The following PPP1R12B variants were observed in gnomAD, a reference collection of about 807,000 sequenced individuals.
PPP1R12B encodes protein phosphatase 1 regulatory subunit 12B, also known as myosin phosphatase target subunit 2.
In PPP1R12B, 76 loss-of-function variants were observed where a neutral mutation model predicts 126.1. The ratio of observed to expected loss-of-function variants is 0.60; its 90% CI spans 0.50 to 0.73. PPP1R12B has a LOEUF of 0.73. Among genes scored for constraint, PPP1R12B ranks in the 30% least tolerant of loss-of-function variants. The pLI, the probability that PPP1R12B is intolerant of heterozygous loss-of-function variation, is 0.00. For synonymous variants in PPP1R12B, 356 were observed against 434.7 expected (o/e 0.82, Z 2.25); for missense variants, 1,052 against 1,205.1 (o/e 0.87, Z 1.88).
At chr1:202,507,539 T>G (rs985449668) in intron 18 of PPP1R12B, among the ~76,000 whole-genome samples, 9 of 152,194 alleles carry the variant, frequency 5.9e-5, no homozygotes, top group African/African-American at 2.2e-4. Flanking sequence ...CAGAAGAAAT[T>G]ATTAACATTC....
At chr1:202,359,681 G>T (rs886758740) in intron 1 of PPP1R12B, among the ~76,000 whole-genome samples, 1 of 139,326 alleles carries the variant, frequency 7.2e-6, no homozygotes, top group African/African-American at 2.6e-5. Context: ...CTGGCGGTGG[G>T]GGGTGGGGGT....
chr1:202,382,566 T>A (rs1662499876), intron 1 of PPP1R12B, among the ~76,000 whole-genome samples: 1 of 151,498 alleles, frequency 6.6e-6, no homozygotes, highest in Non-Finnish European at 1.5e-5. Context: ...GAAATGAATT[T>A]CTTTGAGAGC....
chr1:202,580,050 T>C (rs1238919777), intron 23 of PPP1R12B, among the ~76,000 whole-genome samples: 1 of 152,168 alleles, frequency 6.6e-6, no homozygotes, highest in Non-Finnish European at 1.5e-5. Flanking sequence ...TTAACTCTTC[T>C]AGTTGACCAC....
intron 9 of PPP1R12B, among the ~76,000 whole-genome samples, chr1:202,436,482 TTTTA>T (rs975473175): frequency 2.0e-5 from 3 of 152,130 alleles, no homozygotes; most frequent in African/African-American, 7.2e-5. Flanking sequence ...GATTTAATAT[TTTTA>T]TTTATTTTCG....
At chr1:202,571,424 G>A (rs1688585881) in intron 23 of PPP1R12B, among the ~76,000 whole-genome samples, 1 of 150,372 alleles carries the variant, frequency 6.7e-6, no homozygotes, top group African/African-American at 2.4e-5. Context: ...CAATAGGTAA[G>A]CTGTTGTGAG....
At chr1:202,350,607 GTTTTTC>G (rs1234444760) in intron 1 of PPP1R12B, among the ~76,000 whole-genome samples, 7 of 151,006 alleles carry the variant, frequency 4.6e-5, no homozygotes, top group African/African-American at 7.3e-5. Flanking sequence ...GTGAATTCTT[GTTTTTC>G]TTTTTCTTTT....
chr1:202,470,016 G>C (rs1232188689), intron 13 of PPP1R12B, among the ~76,000 whole-genome samples: 2 of 152,184 alleles, frequency 1.3e-5, no homozygotes, highest in African/African-American at 2.4e-5. Context: ...GAGCTTTTCT[G>C]CTTCCCCAGA....
chr1:202,560,828 A>T, intron 19 of PPP1R12B, among the ~76,000 whole-genome samples: 1 of 152,188 alleles, frequency 6.6e-6, no homozygotes, highest in East Asian at 1.9e-4. Context: ...TATAAAATTT[A>T]AAATCTCTAA....
chr1:202,425,585 A>C lies in PPP1R12B; in HGVS notation c.561A>C (p.Ser187=), dbSNP rs147755572. The change falls in exon 4 of 24, where the codon TCA becomes TCC. Residue 187 remains serine, a synonymous_variant. Coordinates refer to ENST00000608999, the MANE Select transcript of PPP1R12B (RefSeq NM_002481.4). ...CTGTAGGAGTTGATCTAGAGCAGTCAAGAAAAGAAGAAGAGCAGCAGATGT... is the reference window on the plus strand; with the variant it reads ...CTGTAGGAGTTGATCTAGAGCAGTCCAGAAAAGAAGAAGAGCAGCAGATGT... ...VKKQGVDLEQ[S]RKEEEQQMLQ... 1.9e-5 allele frequency: 30 copies of C among 1,613,888 alleles called. No individual in the cohort carries two copies. In the African/African-American group the frequency reaches 3.9e-4, roughly 21 times the overall value.
At chr1:202,413,802 A>G (rs1667708111) in intron 1 of PPP1R12B, among the ~76,000 whole-genome samples, 1 of 152,144 alleles carries the variant, frequency 6.6e-6, no homozygotes, top group Non-Finnish European at 1.5e-5. Flanking sequence ...ATTTTGATGA[A>G]AGTATATAAA....
intron 18 of PPP1R12B, among the ~76,000 whole-genome samples, chr1:202,516,695 A>G (rs1354553986): frequency 1.3e-5 from 2 of 152,144 alleles, no homozygotes; most frequent in African/African-American, 4.8e-5. Flanking sequence ...CATTTGGCAC[A>G]TTGTGGTACC....
intron 18 of PPP1R12B, among the ~76,000 whole-genome samples, chr1:202,532,860 CTTTTTTTTT>C (rs375983770): frequency 2.1e-5 from 2 of 93,814 alleles, no homozygotes; most frequent in African/African-American, 9.0e-5. Context: ...ATCACATTCA[CTTTTTTTTT>C]TTTTTTTTTT....
chr1:202,443,487 C>A (rs1671875657), intron 12 of PPP1R12B, among the ~76,000 whole-genome samples: 1 of 152,186 alleles, frequency 6.6e-6, no homozygotes, highest in African/African-American at 2.4e-5. Context: ...ATTGTTGAAA[C>A]ATGGGAAATA....
rs181583736 is a variant in PPP1R12B, at chr1:202,520,479, C to T, written c.2490+23657C>T. Among the ~76,000 whole-genome samples the T allele has an allele frequency of 6.0e-4, 92 of 152,338 alleles. 2 individuals are homozygous for T. Among genetic ancestry groups the T allele is most frequent in the Admixed American group, 5.9e-3 (91 of 15,296 alleles). On this transcript the variant is annotated intron_variant, in intron 18 of 23. Transcript: ENST00000608999. The stretch of plus-strand genomic sequence containing the variant: ...ATGGGAAGCAGTGGTGGAGTTTGTA[C>T]ATAAGATTTACAGTAAAGTCTGCTG...
chr1:202,438,908 GC>G, intron 10 of PPP1R12B: 1 of 1,504,262 alleles, frequency 6.6e-7, no homozygotes, highest in Admixed American at 1.7e-5. Context: ...ACCGCACGCG[GC>G]CCTGTGCCTG....
chr1:202,462,462 G>A (rs766555245), intron 13 of PPP1R12B, among the ~76,000 whole-genome samples: 7 of 152,028 alleles, frequency 4.6e-5, no homozygotes, highest in East Asian at 3.9e-4. Context: ...CTCAGGACAC[G>A]TGCATTTAGA....
intron 18 of PPP1R12B, among the ~76,000 whole-genome samples, chr1:202,526,471 C>A (rs943781207): frequency 5.3e-5 from 8 of 152,046 alleles, no homozygotes; most frequent in Non-Finnish European, 4.4e-5. Flanking sequence ...TTTTTTCCAG[C>A]CACATTTAGT....
chr1:202,352,477 G>A (rs1656202245), intron 1 of PPP1R12B, among the ~76,000 whole-genome samples: 1 of 152,182 alleles, frequency 6.6e-6, no homozygotes, highest in African/African-American at 2.4e-5. Context: ...TCTGTGCTGA[G>A]TGTGGTGAGG....
At chr1:202,409,390 C>T (rs1210727768) in intron 1 of PPP1R12B, among the ~76,000 whole-genome samples, 4 of 150,956 alleles carry the variant, frequency 2.6e-5, no homozygotes, top group African/African-American at 4.9e-5. Context: ...GGCATGATCT[C>T]GGCTCACTGC....
Sources: gnomAD v4.1 joint callset for allele counts (sites outside exome capture counted in the v4.1 genomes callset) on GRCh38, gnomAD v4.1.1 for gene constraint, MANE v1.5 for transcripts, NCBI Gene and HGNC (gene_info 2026-07-23, HGNC 2026-07-21) for gene names.